The following RBFOX1 variants were observed in gnomAD, a reference collection of about 807,000 sequenced individuals.
The protein encoded by RBFOX1 is RNA binding protein fox-1 homolog 1.
In RBFOX1, 8 loss-of-function variants were observed where a neutral mutation model predicts 57.7. That is an observed-to-expected ratio of 0.14 (90% CI 0.08 to 0.25). The LOEUF is 0.25. RBFOX1 is among the 10% of genes least tolerant of loss of function. The pLI, the probability that RBFOX1 is intolerant of heterozygous loss-of-function variation, is 1.00. For missense variants in RBFOX1, 611 were observed against 548.5 expected (o/e 1.11, Z -1.14); for synonymous variants, 326 against 222.4 (o/e 1.47, Z -4.15).
intron 11 of RBFOX1, among the ~76,000 whole-genome samples, chr16:7,639,811 G>C (rs1386670769): frequency 3.3e-5 from 5 of 152,048 alleles, no homozygotes; most frequent in Admixed American, 6.6e-5. Context: ...CCAAACCCAT[G>C]GATTGAGGTG....
At chr16:7,411,719 C>A (rs2098426972) in intron 4 of RBFOX1, among the ~76,000 whole-genome samples, 1 of 151,962 alleles carries the variant, frequency 6.6e-6, no homozygotes, top group Non-Finnish European at 1.5e-5. Context: ...GCCTGACCAA[C>A]ATGGAGAAAC....
At chr16:7,201,338 G>T (rs1192681648) in intron 4 of RBFOX1, among the ~76,000 whole-genome samples, 6 of 152,206 alleles carry the variant, frequency 3.9e-5, no homozygotes, top group African/African-American at 1.4e-4. Context: ...GGAAACAGGA[G>T]AGATCAAGTC....
At chr16:6,206,789 C>T (rs1439900938) in intron 1 of RBFOX1, among the ~76,000 whole-genome samples, 2 of 152,136 alleles carry the variant, frequency 1.3e-5, no homozygotes, top group African/African-American at 4.8e-5. Context: ...CTCCCTTTTA[C>T]TTTAATGGTG....
Position 7,194,257 on chromosome 16 carries a change from T to C in RBFOX1, c.27+142159T>C, listed in dbSNP as rs1358468934. Among the ~76,000 whole-genome samples the C allele has an allele frequency of 3.3e-5, 5 of 152,258 alleles. No homozygotes were observed. The East Asian group carries it at 9.6e-4, about 29-fold the overall frequency. On this transcript the variant is annotated intron_variant, in intron 4 of 15. Transcript: ENST00000550418. ...TAATGGTTGTTAGATTTTAATAACT[T>C]GTGATTGCACTGTATTTATTTTATG...
chr16:7,215,971 C>A (rs1054740599), intron 4 of RBFOX1, among the ~76,000 whole-genome samples: 5 of 152,190 alleles, frequency 3.3e-5, no homozygotes, highest in Non-Finnish European at 5.9e-5. Context: ...GATCCGCACG[C>A]CTCGGCCTCC....
At chr16:6,886,130 C>T (rs1423360869) in intron 3 of RBFOX1, among the ~76,000 whole-genome samples, 3 of 149,426 alleles carry the variant, frequency 2.0e-5, no homozygotes, top group South Asian at 2.1e-4. Context: ...GACGTGATCT[C>T]GGCTCACTGC....
chr16:5,763,163 A>G (rs1223824253), intron 3 of RBFOX1, among the ~76,000 whole-genome samples: 1 of 152,228 alleles, frequency 6.6e-6, no homozygotes, highest in Non-Finnish European at 1.5e-5. Context: ...TGGCTGGATT[A>G]GAAGTCCATC....
intron 14 of RBFOX1, among the ~76,000 whole-genome samples, chr16:7,690,138 C>T (rs1025048330): frequency 6.6e-6 from 1 of 152,080 alleles, no homozygotes; most frequent in Non-Finnish European, 1.5e-5. Context: ...ATATTAGAGT[C>T]ACCTATAGAG....
chr16:5,584,352 T>C (rs2046764830), intron 2 of RBFOX1, among the ~76,000 whole-genome samples: 1 of 152,218 alleles, frequency 6.6e-6, no homozygotes, highest in Non-Finnish European at 1.5e-5. Flanking sequence ...GCCAGAAATA[T>C]GTCGGAGTTT....
intron 2 of RBFOX1, among the ~76,000 whole-genome samples, chr16:6,643,473 G>C (rs9936402): frequency 6.6e-6 from 1 of 152,198 alleles, no homozygotes; most frequent in South Asian, 2.1e-4. Flanking sequence ...AGTGAACACA[G>C]ACTCTGAAGA....
intron 4 of RBFOX1, among the ~76,000 whole-genome samples, chr16:7,282,639 G>T (rs900658256): frequency 6.6e-6 from 1 of 151,856 alleles, no homozygotes; most frequent in African/African-American, 2.4e-5. Context: ...GATTTCATAA[G>T]TTCTTCAGTG....
chr16:5,632,693 T>C (rs967279230), intron 3 of RBFOX1: 1 of 152,156 alleles, frequency 6.6e-6, no homozygotes. Flanking sequence ...ATTGGGAAGG[T>C]TTAATACAGC....
At chr16:6,292,177 T>C (rs1324680544) in intron 1 of RBFOX1, among the ~76,000 whole-genome samples, 1 of 152,156 alleles carries the variant, frequency 6.6e-6, no homozygotes, top group Non-Finnish European at 1.5e-5. Flanking sequence ...GGAGGACCAC[T>C]TGAGCCCAAG....
chr16:5,989,180 A>G (rs1410889904), intron 4 of RBFOX1, among the ~76,000 whole-genome samples: 1 of 151,724 alleles, frequency 6.6e-6, no homozygotes, highest in Non-Finnish European at 1.5e-5. Flanking sequence ...AAATACAAAA[A>G]ATTAGCTGGG....
At chr16:7,091,649 G>A (rs985153933) in intron 4 of RBFOX1, among the ~76,000 whole-genome samples, 1 of 152,150 alleles carries the variant, frequency 6.6e-6, no homozygotes, top group African/African-American at 2.4e-5. Context: ...CCAGTTCTCA[G>A]CCTGCTGTAA....
chr16:7,045,903 C>T (rs924283730), intron 3 of RBFOX1, among the ~76,000 whole-genome samples: 4 of 152,142 alleles, frequency 2.6e-5, no homozygotes, highest in African/African-American at 4.8e-5. Context: ...GATGATCTGC[C>T]CACCTCGGCC....
rs1491361482 is a variant in RBFOX1, at chr16:6,637,286, TAA to T, written c.-63-17316_-63-17315del. On this transcript the variant is annotated intron_variant, in intron 2 of 15. Transcript: ENST00000550418. ...ACAAATATATATTATATATTATATA[TAA>T]TATATAATATACAAATATATATTAT... Among the ~76,000 whole-genome samples the T allele has an allele frequency of 4.8e-5, 3 of 62,690 alleles. 1 individual carries two copies. The South Asian group carries it at 1.2e-3, about 26-fold the overall frequency. The allele number at this position is 62,690 out of a possible 152,430, so 41.1% of individuals were successfully genotyped here.
At chr16:6,216,728 G>C (rs565832954) in intron 1 of RBFOX1, among the ~76,000 whole-genome samples, 2 of 152,162 alleles carry the variant, frequency 1.3e-5, no homozygotes, top group East Asian at 1.9e-4. Context: ...ACTTTTGTTT[G>C]TCTCTTTATT....
chr16:7,302,402 A>G (rs1399973231), intron 4 of RBFOX1, among the ~76,000 whole-genome samples: 3 of 152,150 alleles, frequency 2.0e-5, no homozygotes, highest in Admixed American at 1.3e-4. Context: ...CAGAGCCTTC[A>G]TTTGGCTGAG....
Sources: gnomAD v4.1 joint callset for allele counts (sites outside exome capture counted in the v4.1 genomes callset) on GRCh38, gnomAD v4.1.1 for gene constraint, MANE v1.5 for transcripts, NCBI Gene and HGNC (gene_info 2026-07-23, HGNC 2026-07-21) for gene names.